Variants in USP24 observed in about 807,000 individuals in gnomAD.
USP24 encodes the protein ubiquitin carboxyl-terminal hydrolase 24.
In USP24, 97 loss-of-function variants were observed where a neutral mutation model predicts 361.6. That is an observed-to-expected ratio of 0.27 (90% CI 0.23 to 0.32). The LOEUF (loss-of-function observed/expected upper bound fraction) is 0.32. USP24 is among the 10% of genes least tolerant of loss of function. The pLI, the probability that USP24 is intolerant of heterozygous loss-of-function variation, is 1.00. For missense variants in USP24, 2,353 were observed against 3,165.6 expected (o/e 0.74, Z 6.16); for synonymous variants, 1,098 against 1,124.6 (o/e 0.98, Z 0.47).
chr1:55,155,816 G>A (rs1433171822), intron 12 of USP24, among the ~76,000 whole-genome samples: 4 of 152,146 alleles, frequency 2.6e-5, no homozygotes, highest in Admixed American at 2.6e-4. Flanking sequence ...GTGGCTGCAA[G>A]GGACTCTGGA....
intron 31 of USP24, among the ~76,000 whole-genome samples, chr1:55,131,341 C>T (rs970104694): frequency 6.6e-6 from 1 of 152,142 alleles, no homozygotes; most frequent in Non-Finnish European, 1.5e-5. Context: ...ATAGAAAGCA[C>T]TTTGGTACTC....
At chr1:55,180,849 A>G (rs1015851822) in intron 1 of USP24, among the ~76,000 whole-genome samples, 3 of 152,124 alleles carry the variant, frequency 2.0e-5, no homozygotes, top group Non-Finnish European at 4.4e-5. Flanking sequence ...GACCTTATCT[A>G]TTTTTGACCA....
At chr1:55,124,201 TTA>T (rs1646362362) in intron 35 of USP24, among the ~76,000 whole-genome samples, 1 of 152,240 alleles carries the variant, frequency 6.6e-6, no homozygotes. Flanking sequence ...CATGACACTT[TTA>T]TACTCAGCTA....
rs772393215 is a variant in USP24 at position 55,095,336 on chromosome 1, C to T, written c.6122G>A (p.Arg2041Lys). 7 of 1,613,390 alleles carry T rather than the reference C, an allele frequency of 4.3e-6. 1 individual carries two copies. Among genetic ancestry groups the T allele is most frequent in the South Asian group, 3.3e-5 (3 of 90,946 alleles). Reference protein sequence around the residue: ...YWNAYMLFYQRVSDQNSPVLP... With the variant: ...YWNAYMLFYQKVSDQNSPVLP... ...TACTGGGGAGTTCTGATCAGACACC[C>T]TTTGGTAGAAAAGCATATAGGCATT... The change falls in exon 51 of 68, where the codon AGG becomes AAG. Residue 2041 changes from arginine (R) to lysine (K), a missense_variant. Transcript: ENST00000294383.
rs540378108 is a variant in USP24 at position 55,114,808 on chromosome 1, C to T, written c.4509-4562G>A. On this transcript the variant is annotated intron_variant, in intron 38 of 67. Transcript: ENST00000294383. The stretch of plus-strand genomic sequence containing the variant: ...TAAAAACCCTACAAGAAAACCTAGG[C>T]GATATCATTCAGGACATAGGCATGG... Among the ~76,000 whole-genome samples the T allele has an allele frequency of 4.6e-5, 7 of 152,196 alleles. 1 individual carries two copies. The highest frequency in any genetic ancestry group is 1.2e-4 in the African/African-American group (5 of 41,520).
chr1:55,139,038 A>C, intron 24 of USP24, 28 bp from the exon 25 acceptor site: 1 of 1,556,544 alleles, frequency 6.4e-7, no homozygotes, highest in Non-Finnish European at 8.7e-7. Context: ...AAAGTATTAA[A>C]ATGTATTTGA....
intron 19 of USP24, 93 bp from the exon 20 acceptor site, chr1:55,146,202 T>C: frequency 1.2e-6 from 1 of 854,836 alleles, no homozygotes; most frequent in Non-Finnish European, 1.9e-6. Context: ...ATTTTAATAC[T>C]TCAAATGTTT....
At chr1:55,100,242 A>G (rs1440842045) in intron 44 of USP24, among the ~76,000 whole-genome samples, 1 of 152,224 alleles carries the variant, frequency 6.6e-6, no homozygotes, top group Non-Finnish European at 1.5e-5. Context: ...CACGCCTGTA[A>G]TCCCAGCACT....
chr1:55,162,375 C>T, intron 7 of USP24, 111 bp from the exon 8 acceptor site: 1 of 893,108 alleles, frequency 1.1e-6, no homozygotes, highest in East Asian at 3.2e-5. Flanking sequence ...GTGAGTTGAT[C>T]AAGTCATGAA....
intron 1 of USP24, among the ~76,000 whole-genome samples, chr1:55,213,685 A>G (rs977341161): frequency 6.6e-6 from 1 of 152,194 alleles, no homozygotes; most frequent in Non-Finnish European, 1.5e-5. Flanking sequence ...AATTCCTGCC[A>G]TGAGCTACTA....
At chr1:55,127,854 C>T (rs1055629850) in intron 32 of USP24, among the ~76,000 whole-genome samples, 1 of 152,066 alleles carries the variant, frequency 6.6e-6, no homozygotes, top group African/African-American at 2.4e-5. Context: ...ACTATCACCC[C>T]TTTTTTCTTA....
At chr1:55,112,052 G>A (rs1645970762) in intron 38 of USP24, among the ~76,000 whole-genome samples, 1 of 151,996 alleles carries the variant, frequency 6.6e-6, no homozygotes, top group Non-Finnish European at 1.5e-5. Context: ...ATTAAAAAAA[G>A]TCAAGAATGG....
At chr1:55,122,002 T>C (rs888039352) in intron 36 of USP24, among the ~76,000 whole-genome samples, 6 of 152,230 alleles carry the variant, frequency 3.9e-5, no homozygotes, top group African/African-American at 1.2e-4. Context: ...TATTTATTTA[T>C]TGAGAATCTA....
At chr1:55,098,640 T>TA in intron 45 of USP24, 82 bp from the exon 46 acceptor site, 1 of 1,031,248 alleles carries the variant, frequency 9.7e-7, no homozygotes, top group Non-Finnish European at 1.5e-6. Flanking sequence ...CATTGCAATT[T>TA]AAGGACCAAA....
rs114317180 is a variant in USP24, at chr1:55,098,379, T to G, written c.5453+97A>C. ...TATAGATCTGTTGACAGGGAGAGAG[T>G]TCTAAGTCTCTTAACAAATGCAAAA... is the stretch of plus-strand genomic sequence containing the variant. On this transcript the variant is annotated intron_variant, in intron 46 of 67. Transcript: ENST00000294383. 1.0e-3 allele frequency: 1,109 copies of G among 1,107,548 alleles called. 12 individuals are homozygous for G. In the African/African-American group the frequency reaches 0.014, roughly 14 times the overall value. 68.6% of individuals were successfully genotyped at this position (1,107,548 alleles called of 1,614,324 possible).
At chr1:55,196,462 G>C (rs1319910290) in intron 1 of USP24, among the ~76,000 whole-genome samples, 1 of 152,110 alleles carries the variant, frequency 6.6e-6, no homozygotes, top group Non-Finnish European at 1.5e-5. Context: ...GTTTTGGTGT[G>C]ATCCACTGTA....
In USP24 at chr1:55,214,779, C is replaced by T. The variant is rs1359227165; in HGVS notation, c.324+11G>A. 5.7e-6 allele frequency: 7 copies of T among 1,222,904 alleles called. No individual in the cohort carries two copies. Among genetic ancestry groups the T allele is most frequent in the East Asian group, 3.4e-5 (1 of 29,662 alleles). The allele number at this position is 1,222,904 out of a possible 1,614,324, so 75.8% of individuals were successfully genotyped here. On this transcript the variant is annotated intron_variant, in intron 1 of 67. Transcript: ENST00000294383. Reference sequence around the variant, plus strand: ...GGCTTCCCACAGAGGTCTGGGGTTGCCCCTCCTCACCTCCGCGTCCACCAC... The same window carrying T: ...GGCTTCCCACAGAGGTCTGGGGTTGTCCCTCCTCACCTCCGCGTCCACCAC...
At chr1:55,213,777 C>T (rs181911435) in intron 1 of USP24, among the ~76,000 whole-genome samples, 1 of 152,068 alleles carries the variant, frequency 6.6e-6, no homozygotes, top group Admixed American at 6.6e-5. Flanking sequence ...CCGTTTTCTT[C>T]CCCCACGTTC....
At chr1:55,079,053 GGAA>G (rs1645088681) in intron 60 of USP24, among the ~76,000 whole-genome samples, 1 of 152,112 alleles carries the variant, frequency 6.6e-6, no homozygotes, top group Admixed American at 6.5e-5. Context: ...AATCAGGTAG[GGAA>G]GAAGGACTGG....
Sources: gnomAD v4.1 joint callset for allele counts (sites outside exome capture counted in the v4.1 genomes callset) on GRCh38, gnomAD v4.1.1 for gene constraint, MANE v1.5 for transcripts, NCBI Gene and HGNC (gene_info 2026-07-23, HGNC 2026-07-21) for gene names.